ANKMY2: variants seen among roughly 807,000 people sequenced by gnomAD.
The protein encoded by ANKMY2 is ankyrin repeat and MYND domain containing 2.
ANKMY2 carries 36 observed loss-of-function variants against 50.4 expected under a neutral mutation model. The observed-to-expected ratio is 0.71, with a 90% CI of 0.55 to 0.94. The LOEUF is 0.94. ANKMY2 is among the 40% of genes least tolerant of loss of function. ANKMY2 has a pLI of 0.00. For synonymous variants in ANKMY2, 187 were observed against 178.8 expected (o/e 1.05, Z -0.36); for missense variants, 565 against 524.0 (o/e 1.08, Z -0.76).
chr7:16,637,459 G>T (rs1301604316), intron 1 of ANKMY2, among the ~76,000 whole-genome samples: 1 of 152,166 alleles, frequency 6.6e-6, no homozygotes, highest in East Asian at 1.9e-4. Flanking sequence ...AGAAAAAACA[G>T]AAACATCTCC....
At chr7:16,641,992 G>A (rs1016523256) in intron 1 of ANKMY2, among the ~76,000 whole-genome samples, 1 of 152,050 alleles carries the variant, frequency 6.6e-6, no homozygotes, top group Admixed American at 6.6e-5. Flanking sequence ...TTTCACAGAT[G>A]TATGTTTAAA....
At chr7:16,636,606 T>A in intron 1 of ANKMY2, 151 bp from the exon 2 acceptor site, 1 of 510,408 alleles carries the variant, frequency 2.0e-6, no homozygotes, top group Non-Finnish European at 3.4e-6. Flanking sequence ...AATCACATAC[T>A]ATTTATTTTA....
At chr7:16,615,423 G>A (rs1490942916) in intron 5 of ANKMY2, among the ~76,000 whole-genome samples, 1 of 152,076 alleles carries the variant, frequency 6.6e-6, no homozygotes. Flanking sequence ...ACAGACTGAT[G>A]AATACAAAAG....
chr7:16,602,872 G>A (rs942200551), intron 8 of ANKMY2, among the ~76,000 whole-genome samples: 3 of 152,186 alleles, frequency 2.0e-5, no homozygotes, highest in African/African-American at 7.2e-5. Context: ...CTCCTGCCAT[G>A]TGACATGCCT....
chr7:16,615,430 A>G (rs1257114704), intron 5 of ANKMY2, among the ~76,000 whole-genome samples: 1 of 152,106 alleles, frequency 6.6e-6, no homozygotes, highest in Non-Finnish European at 1.5e-5. Flanking sequence ...GATGAATACA[A>G]AAGAATTCCT....
At chr7:16,609,504 C>T in intron 7 of ANKMY2, 126 bp downstream of exon 7, 1 of 1,112,606 alleles carries the variant, frequency 9.0e-7, no homozygotes, top group Non-Finnish European at 1.2e-6. Flanking sequence ...AACCTATCTC[C>T]ACCTTTGTTC....
intron 2 of ANKMY2, among the ~76,000 whole-genome samples, chr7:16,628,578 G>A (rs1781537808): frequency 6.6e-6 from 1 of 152,062 alleles, no homozygotes; most frequent in Admixed American, 6.6e-5. Flanking sequence ...TGGACTGCAT[G>A]GCCTTTAGCT....
intron 4 of ANKMY2, among the ~76,000 whole-genome samples, chr7:16,623,955 C>T (rs536065881): frequency 8.0e-4 from 122 of 152,130 alleles, no homozygotes; most frequent in Middle Eastern, 6.9e-3. Context: ...CAGTTACTAT[C>T]CTCCACACCT....
At chr7:16,632,702 G>T (rs151190890) in intron 2 of ANKMY2, among the ~76,000 whole-genome samples, 4 of 152,244 alleles carry the variant, frequency 2.6e-5, no homozygotes, top group African/African-American at 7.2e-5. Context: ...GAATAATGCT[G>T]TTATAAACAT....
At chr7:16,638,514 T>C (rs1249481235) in intron 1 of ANKMY2, among the ~76,000 whole-genome samples, 2 of 152,208 alleles carry the variant, frequency 1.3e-5, no homozygotes, top group Non-Finnish European at 2.9e-5. Flanking sequence ...TTCCAGGCAC[T>C]CATTCTTCCA....
chr7:16,616,466 A>G (rs563619250), intron 4 of ANKMY2, among the ~76,000 whole-genome samples: 98 of 151,852 alleles, frequency 6.5e-4, no homozygotes, highest in African/African-American at 2.3e-3. Flanking sequence ...GTGGCTTTGC[A>G]TAGAATTCCA....
Position 16,641,381 on chromosome 7 carries a change from T to A in ANKMY2, c.67+4126A>T, listed in dbSNP as rs137977431. 6.9e-3 allele frequency among the ~76,000 whole-genome samples: 1,054 copies of A among 152,328 alleles called. 18 individuals carry two copies. The highest frequency in any genetic ancestry group is 0.024 in the African/African-American group (1,005 of 41,564). On this transcript the variant is annotated intron_variant, in intron 1 of 9. Coordinates refer to ENST00000306999, the MANE Select transcript of ANKMY2 (RefSeq NM_020319.3). Reference sequence around the variant, plus strand: ...TAAAAAAATGATCTTAAATTAGTATTACAGAGCACTGTATAAAATTGGGAG... The same window carrying A: ...TAAAAAAATGATCTTAAATTAGTATAACAGAGCACTGTATAAAATTGGGAG...
intron 4 of ANKMY2, among the ~76,000 whole-genome samples, chr7:16,616,587 G>C (rs569551698): frequency 7.8e-4 from 118 of 152,158 alleles, no homozygotes; most frequent in African/African-American, 2.7e-3. Context: ...CCCCTCCCTA[G>C]CTCCCTCTCC....
chr7:16,637,930 C>T (rs1781689899), intron 1 of ANKMY2, among the ~76,000 whole-genome samples: 1 of 152,178 alleles, frequency 6.6e-6, no homozygotes, highest in Non-Finnish European at 1.5e-5. Context: ...GGATTAAGAT[C>T]ATAAACATTT....
chr7:16,613,631 A>G (rs1374566756), intron 5 of ANKMY2, among the ~76,000 whole-genome samples: 2 of 152,196 alleles, frequency 1.3e-5, no homozygotes, highest in Non-Finnish European at 2.9e-5. Flanking sequence ...AATCTAATTT[A>G]CTTAAAATAT....
chr7:16,630,033 A>G (rs770678183), intron 2 of ANKMY2, among the ~76,000 whole-genome samples: 8 of 152,206 alleles, frequency 5.3e-5, no homozygotes, highest in Non-Finnish European at 1.2e-4. Flanking sequence ...CTAATCTACT[A>G]GAAGTAGAAG....
chr7:16,625,480 C>T (rs962042645), intron 3 of ANKMY2, among the ~76,000 whole-genome samples: 7 of 152,180 alleles, frequency 4.6e-5, no homozygotes, highest in Non-Finnish European at 8.8e-5. Context: ...CACTTACAGG[C>T]TCTGGAAGAA....
At chr7:16,643,190 A>T (rs1781768003) in intron 1 of ANKMY2, among the ~76,000 whole-genome samples, 1 of 152,204 alleles carries the variant, frequency 6.6e-6, no homozygotes, top group Non-Finnish European at 1.5e-5. Flanking sequence ...CACTTGCCCA[A>T]AGGCCACATC....
At chr7:16,610,099 C>A (rs1781223367) in intron 6 of ANKMY2, among the ~76,000 whole-genome samples, 1 of 152,064 alleles carries the variant, frequency 6.6e-6, no homozygotes, top group South Asian at 2.1e-4. Flanking sequence ...GACTTAGTTC[C>A]CTTTTCTAGG....
Sources: allele counts gnomAD v4.1 joint callset (sites outside exome capture counted in the v4.1 genomes callset), GRCh38; gene constraint gnomAD v4.1.1; transcripts MANE v1.5; gene names NCBI Gene and HGNC (gene_info 2026-07-23, HGNC 2026-07-21).